The following ADAM18 variants were observed in gnomAD, a reference collection of about 807,000 sequenced individuals.
ADAM18 encodes ADAM metallopeptidase domain 18.
Under a neutral mutation model 94.4 loss-of-function variants are expected in ADAM18, and 117 were observed. The ratio of observed to expected loss-of-function variants is 1.24; its 90% confidence interval spans 1.07 to 1.45. ADAM18 has a LOEUF of 1.45. ADAM18 is among the 40% of genes most tolerant of loss of function. ADAM18 has a pLI of 0.00. For synonymous variants in ADAM18, 327 were observed against 291.6 expected (o/e 1.12, Z -1.24); for missense variants, 936 against 880.0 (o/e 1.06, Z -0.81).
chr8:39,712,743 G>A (rs933803847), intron 18 of ADAM18, among the ~76,000 whole-genome samples: 3 of 151,948 alleles, frequency 2.0e-5, no homozygotes, highest in African/African-American at 4.8e-5. Context: ...GGATGTAAAG[G>A]GCATCTGCAA....
intron 6 of ADAM18, among the ~76,000 whole-genome samples, chr8:39,616,087 A>G (rs952681198): frequency 1.3e-5 from 2 of 152,174 alleles, no homozygotes; most frequent in Admixed American, 1.3e-4. Flanking sequence ...TTTTATGCCC[A>G]TGGTTAGGAA....
intron 18 of ADAM18, among the ~76,000 whole-genome samples, chr8:39,713,861 C>T (rs1470417923): frequency 3.3e-5 from 5 of 152,112 alleles, no homozygotes; most frequent in Admixed American, 1.3e-4. Flanking sequence ...ATTAGTTCAA[C>T]CATTGTGGAA....
chr8:39,614,771 C>T (rs1315151133), intron 6 of ADAM18, among the ~76,000 whole-genome samples: 1 of 152,070 alleles, frequency 6.6e-6, no homozygotes, highest in African/African-American at 2.4e-5. Context: ...GAAAAATCTA[C>T]CAAGCAAACT....
intron 2 of ADAM18, among the ~76,000 whole-genome samples, chr8:39,599,030 C>A (rs1317904451): frequency 6.6e-6 from 1 of 151,990 alleles, no homozygotes; most frequent in African/African-American, 2.4e-5. Context: ...AGGCTGGTCT[C>A]AAACTCCTGA....
At chr8:39,645,087 C>T (rs146684725) in intron 10 of ADAM18, among the ~76,000 whole-genome samples, 2 of 152,172 alleles carry the variant, frequency 1.3e-5, no homozygotes, top group African/African-American at 4.8e-5. Flanking sequence ...AGAAATACCA[C>T]CTGTTCAAAG....
intron 1 of ADAM18, 43 bp downstream of exon 1, chr8:39,584,720 C>G (rs1176970557): frequency 6.3e-7 from 1 of 1,597,444 alleles, no homozygotes; most frequent in African/African-American, 1.3e-5. Context: ...GACTTTATAG[C>G]TGGGCTGGGC....
At chr8:39,607,090 A>C (rs535524820) in intron 3 of ADAM18, among the ~76,000 whole-genome samples, 1 of 152,308 alleles carries the variant, frequency 6.6e-6, no homozygotes, top group East Asian at 1.9e-4. Context: ...TGCTGATTAC[A>C]AGTGTGTCTA....
At chr8:39,669,811 A>G (rs1455204086) in intron 14 of ADAM18, among the ~76,000 whole-genome samples, 5 of 152,064 alleles carry the variant, frequency 3.3e-5, no homozygotes, top group Admixed American at 6.6e-5. Context: ...ATGATTTATA[A>G]TCCTTTGGGT....
At chr8:39,717,461 T>C (rs1042076710) in intron 18 of ADAM18, among the ~76,000 whole-genome samples, 1 of 151,814 alleles carries the variant, frequency 6.6e-6, no homozygotes, top group East Asian at 1.9e-4. Context: ...CTGTTTAGCA[T>C]CTTTTCATTT....
rs1156963033 is a variant in ADAM18 at position 39,637,641 on chromosome 8, AT to A, written c.770del (p.Leu257TrpfsTer15). 1.2e-6 allele frequency: 2 copies of A among 1,612,762 alleles called. No individual in the cohort carries two copies. The highest frequency in any genetic ancestry group is 2.2e-5 in the South Asian group (2 of 90,982). Reference protein sequence around the residue: ...SGDADDILQRFLAWKRDYLIL... With the variant: ...SGDADDILQRXLAWKRDYLIL... ...GGGATGCTGATGATATATTACAAAG[AT>A]TTTTGGCATGGAAACGGGACTATCT... is the stretch of plus-strand genomic sequence containing the variant. On this transcript the variant is annotated frameshift_variant, in exon 9 of 20. Transcript: ENST00000265707. LOFTEE classifies it high-confidence loss of function.
chr8:39,634,308 A>C (rs1820016386), intron 7 of ADAM18, among the ~76,000 whole-genome samples: 1 of 152,190 alleles, frequency 6.6e-6, no homozygotes. Flanking sequence ...TATAAGTCAA[A>C]GGATGCCTCA....
At chr8:39,641,013 CTTTAG>C (rs2129579393) in intron 10 of ADAM18, among the ~76,000 whole-genome samples, 1 of 151,912 alleles carries the variant, frequency 6.6e-6, no homozygotes, top group South Asian at 2.1e-4. Context: ...TGCAAAAGTT[CTTTAG>C]TTTAATTAGT....
chr8:39,717,714 G>A (rs1451724670), intron 18 of ADAM18, among the ~76,000 whole-genome samples: 2 of 151,570 alleles, frequency 1.3e-5, no homozygotes, highest in African/African-American at 4.8e-5. Flanking sequence ...ATTTCATTGT[G>A]GGACTATATC....
chr8:39,632,720 T>A (rs1819963136), intron 7 of ADAM18, among the ~76,000 whole-genome samples: 1 of 141,848 alleles, frequency 7.0e-6, no homozygotes, highest in African/African-American at 3.1e-5. Context: ...AATTTAGATA[T>A]TATGAGTATG....
chr8:39,694,317 T>C (rs954146502), intron 17 of ADAM18, among the ~76,000 whole-genome samples: 2 of 151,434 alleles, frequency 1.3e-5, no homozygotes, highest in African/African-American at 4.8e-5. Flanking sequence ...ACCAAAGACT[T>C]TTTCTGCATC....
intron 2 of ADAM18, among the ~76,000 whole-genome samples, chr8:39,587,314 C>T (rs1411983575): frequency 6.6e-6 from 1 of 152,200 alleles, no homozygotes; most frequent in Non-Finnish European, 1.5e-5. Flanking sequence ...TGTTATACAG[C>T]ATATCTCTAG....
rs908599018 is a variant in ADAM18, at chr8:39,709,102, T to A, written c.2017+2198T>A. Among the ~76,000 whole-genome samples, 4 of 152,174 alleles carry A rather than the reference T, an allele frequency of 2.6e-5. No individual in the cohort carries two copies. The South Asian group carries it at 8.3e-4, about 32-fold the overall frequency. On this transcript the variant is annotated intron_variant, in intron 18 of 19. Coordinates refer to ENST00000265707, the MANE Select transcript of ADAM18 (RefSeq NM_014237.3). ...TCCGCACTCATGGCTCCCGAGCTCT[T>A]GTCTGGTGTCCAGGAAAAATGAAGT...
At chr8:39,717,750 T>C (rs1822619880) in intron 18 of ADAM18, among the ~76,000 whole-genome samples, 2 of 151,528 alleles carry the variant, frequency 1.3e-5, no homozygotes, top group Admixed American at 1.3e-4. Context: ...ATACAGCAAA[T>C]GAAACAATCA....
At chr8:39,689,909 T>A (rs552821348) in intron 16 of ADAM18, among the ~76,000 whole-genome samples, 16 of 152,338 alleles carry the variant, frequency 1.1e-4, no homozygotes, top group African/African-American at 3.8e-4. Context: ...TAGAGATCTT[T>A]CACCTCCCTA....
Sources: allele counts gnomAD v4.1 joint callset (sites outside exome capture counted in the v4.1 genomes callset), GRCh38; gene constraint gnomAD v4.1.1; transcripts MANE v1.5; gene names NCBI Gene and HGNC (gene_info 2026-07-23, HGNC 2026-07-21).